The following PTPRG variants were observed in gnomAD, a reference collection of about 807,000 sequenced individuals.
PTPRG encodes protein tyrosine phosphatase receptor type G.
In PTPRG, 102 loss-of-function variants were observed where a neutral mutation model predicts 165.3. That is an observed-to-expected ratio of 0.62 (90% CI 0.53 to 0.73). The LOEUF (loss-of-function observed/expected upper bound fraction) is 0.73. PTPRG is among the 30% of genes least tolerant of loss of function. PTPRG has a pLI of 0.00. For synonymous variants in PTPRG, 675 were observed against 669.5 expected (o/e 1.01, Z -0.13); for missense variants, 1,866 against 1,861.4 (o/e 1.00, Z -0.05).
chr3:62,227,184 C>T (rs1300058551), intron 13 of PTPRG, among the ~76,000 whole-genome samples: 4 of 152,122 alleles, frequency 2.6e-5, no homozygotes, highest in Non-Finnish European at 5.9e-5. Context: ...TCCTGTACTG[C>T]CACAGTAGCA....
chr3:62,176,022 G>C (rs150634606), intron 8 of PTPRG, among the ~76,000 whole-genome samples: 173 of 152,310 alleles, frequency 1.1e-3, no homozygotes, highest in Middle Eastern at 3.4e-3. Flanking sequence ...GCAGTGGGAA[G>C]CCTCTGGAGG....
chr3:61,596,816 C>T (rs1263095665), intron 1 of PTPRG, among the ~76,000 whole-genome samples: 1 of 151,790 alleles, frequency 6.6e-6, no homozygotes, highest in East Asian at 1.9e-4. Context: ...ACTCTTATTC[C>T]CTAGTGAGAC....
chr3:62,232,598 C>T lies in PTPRG; in HGVS notation c.2375+1287C>T, dbSNP rs527739865. ...CTTATGAATATCACAAAGATAAATGCACATCCAATTTCAGGTCCTCCCCAG... is the reference window on the plus strand; with the variant it reads ...CTTATGAATATCACAAAGATAAATGTACATCCAATTTCAGGTCCTCCCCAG... On this transcript the variant is annotated intron_variant, in intron 14 of 29. Coordinates refer to ENST00000474889, the MANE Select transcript of PTPRG (RefSeq NM_002841.4). Among the ~76,000 whole-genome samples, 4 of 152,302 alleles carry T rather than the reference C, an allele frequency of 2.6e-5. No homozygotes were observed. The South Asian group carries it at 8.3e-4, about 32-fold the overall frequency.
chr3:61,977,727 T>G (rs1404910522), intron 2 of PTPRG, among the ~76,000 whole-genome samples: 1 of 152,180 alleles, frequency 6.6e-6, no homozygotes. Flanking sequence ...AAATAATAAG[T>G]AGTAAAAAAT....
At chr3:62,287,958 AT>A (rs1702732503) in intron 28 of PTPRG, among the ~76,000 whole-genome samples, 1 of 152,210 alleles carries the variant, frequency 6.6e-6, no homozygotes, top group Non-Finnish European at 1.5e-5. Flanking sequence ...CACCAGTGAA[AT>A]AACATCCCAA....
In PTPRG at chr3:62,195,795, G is replaced by T. The variant is rs530316291; in HGVS notation, c.1327+625G>T. On this transcript the variant is annotated intron_variant, in intron 10 of 29. Coordinates refer to ENST00000474889, the MANE Select transcript of PTPRG (RefSeq NM_002841.4). This position sits in a 1 kb window ranked among gnomAD's most constrained non-coding sequence, Gnocchi z 4.4. ...ATAACATTTTAGTGGGATTTTTTTT[G>T]TTTGTTTGTTTGTTTTGAGATGAAG... is the stretch of plus-strand genomic sequence containing the variant. 1.3e-3 allele frequency among the ~76,000 whole-genome samples: 190 copies of T among 149,302 alleles called. 1 individual carries two copies. Among genetic ancestry groups the T allele is most frequent in the African/African-American group, 4.1e-3 (163 of 40,240 alleles).
intron 5 of PTPRG, among the ~76,000 whole-genome samples, chr3:62,098,023 A>G (rs911863749): frequency 5.3e-5 from 8 of 152,238 alleles, no homozygotes; most frequent in Admixed American, 4.6e-4. Context: ...TAATAATTCT[A>G]ATTCGAGGTT....
chr3:62,065,623 C>T (rs370101093), intron 4 of PTPRG, among the ~76,000 whole-genome samples: 6 of 152,266 alleles, frequency 3.9e-5, no homozygotes, highest in Admixed American at 1.3e-4. Context: ...AGCAATGCAA[C>T]GTATTTTCTC....
At chr3:61,623,423 A>G (rs374939265) in intron 1 of PTPRG, among the ~76,000 whole-genome samples, 3 of 152,328 alleles carry the variant, frequency 2.0e-5, no homozygotes, top group South Asian at 2.1e-4. Context: ...GAGGTTAATT[A>G]CAACTAGGCC....
At chr3:61,875,293 C>T (rs1409475463) in intron 2 of PTPRG, among the ~76,000 whole-genome samples, 4 of 152,118 alleles carry the variant, frequency 2.6e-5, no homozygotes, top group African/African-American at 9.7e-5. Flanking sequence ...CTGTTGATAC[C>T]ATTCAAGGAG....
At chr3:61,985,254 T>G (rs2040730111) in intron 2 of PTPRG, among the ~76,000 whole-genome samples, 1 of 152,190 alleles carries the variant, frequency 6.6e-6, no homozygotes, top group South Asian at 2.1e-4. Context: ...GTGACTTCAC[T>G]CAAGTGTCAC....
chr3:62,050,929 G>A (rs965689939), intron 4 of PTPRG, among the ~76,000 whole-genome samples: 1 of 152,122 alleles, frequency 6.6e-6, no homozygotes, highest in South Asian at 2.1e-4. Context: ...TTAATACTCC[G>A]ACTTTGTTTA....
chr3:62,221,362 A>G (rs1700646827), intron 13 of PTPRG, among the ~76,000 whole-genome samples: 3 of 152,258 alleles, frequency 2.0e-5, no homozygotes. Context: ...AATGAGTGTG[A>G]AAAAGAAAAT....
chr3:62,147,123 C>A (rs1197140625), intron 6 of PTPRG, among the ~76,000 whole-genome samples: 1 of 152,154 alleles, frequency 6.6e-6, no homozygotes, highest in Non-Finnish European at 1.5e-5. Flanking sequence ...GATGTTGATT[C>A]CTACTTCATA....
intron 1 of PTPRG, among the ~76,000 whole-genome samples, chr3:61,693,295 A>G (rs1485056690): frequency 1.3e-5 from 2 of 152,226 alleles, no homozygotes; most frequent in African/African-American, 4.8e-5. Context: ...GTGATGGGAA[A>G]TAATATATTT....
At chr3:61,566,864 G>A (rs1398190267) in intron 1 of PTPRG, among the ~76,000 whole-genome samples, 2 of 152,300 alleles carry the variant, frequency 1.3e-5, no homozygotes, top group East Asian at 1.9e-4. Flanking sequence ...TTTCCATTCA[G>A]CATGTGGGAC....
At chr3:61,953,231 T>G (rs567471735) in intron 2 of PTPRG, among the ~76,000 whole-genome samples, 2 of 152,136 alleles carry the variant, frequency 1.3e-5, no homozygotes, top group Non-Finnish European at 2.9e-5. Context: ...GAGGCTTTTC[T>G]TGCCCCCAGC....
At chr3:62,191,021 G>A (rs897899596) in intron 8 of PTPRG, among the ~76,000 whole-genome samples, 1 of 152,202 alleles carries the variant, frequency 6.6e-6, no homozygotes, top group African/African-American at 2.4e-5. Context: ...TCAGAATGCT[G>A]CAGTGTTTAC....
chr3:61,979,795 C>T (rs1016359230), intron 2 of PTPRG, among the ~76,000 whole-genome samples: 2 of 152,164 alleles, frequency 1.3e-5, no homozygotes, highest in Non-Finnish European at 2.9e-5. Flanking sequence ...AGCAAACGTT[C>T]CTCCTTTTAT....
Sources: allele counts gnomAD v4.1 joint callset (sites outside exome capture counted in the v4.1 genomes callset), GRCh38; gene constraint gnomAD v4.1.1; non-coding constraint Gnocchi (gnomAD v3.1); transcripts MANE v1.5; gene names NCBI Gene and HGNC (gene_info 2026-07-23, HGNC 2026-07-21).